Variants in COPG2 observed in about 807,000 individuals in gnomAD.
The protein encoded by COPG2 is coat protein complex I subunit gamma 2, also known as coatomer subunit gamma-2.
In COPG2, 37 loss-of-function variants were observed where a neutral mutation model predicts 46.3. The observed-to-expected ratio is 0.80, with a 90% CI of 0.61 to 1.05. COPG2 has a LOEUF of 1.05. Among genes scored for constraint, COPG2 ranks in the 50% least tolerant of loss-of-function variants. The pLI is 0.00. For synonymous variants in COPG2, 159 were observed against 129.7 expected (o/e 1.23, Z -1.53); for missense variants, 427 against 387.8 (o/e 1.10, Z -0.85).
At chr7:130,614,317 A>C (rs1224597875) in intron 6 of COPG2, among the ~76,000 whole-genome samples, 2 of 152,234 alleles carry the variant, frequency 1.3e-5, no homozygotes, top group East Asian at 3.9e-4. Context: ...AAAATAAAAA[A>C]CAATCACAAC....
At chr7:130,575,633 A>AAC (rs1280729170) in intron 9 of COPG2, among the ~76,000 whole-genome samples, 26 of 152,180 alleles carry the variant, frequency 1.7e-4, no homozygotes, top group African/African-American at 6.0e-4. Flanking sequence ...GGACCTATAA[A>AAC]ACAAAAATAT....
intron 5 of COPG2, among the ~76,000 whole-genome samples, chr7:130,627,755 A>G (rs1308271051): frequency 9.8e-6 from 1 of 102,022 alleles, no homozygotes; most frequent in Non-Finnish European, 1.8e-5. Flanking sequence ...TGCCCCAAAG[A>G]CTTTGGGGAT....
At chr7:130,598,695 G>A (rs1029499175) in intron 9 of COPG2, among the ~76,000 whole-genome samples, 11 of 152,174 alleles carry the variant, frequency 7.2e-5, no homozygotes, top group Admixed American at 7.2e-4. Flanking sequence ...AGGGGCTTGC[G>A]CTGCAATAAG....
chr7:130,635,722 T>G (rs568009213), intron 5 of COPG2, among the ~76,000 whole-genome samples: 1 of 152,318 alleles, frequency 6.6e-6, no homozygotes, highest in Admixed American at 6.5e-5. Flanking sequence ...GCTCTGCTCT[T>G]AGTTATTTCT....
At chr7:130,632,466 G>C (rs1253753952) in intron 5 of COPG2, among the ~76,000 whole-genome samples, 1 of 152,100 alleles carries the variant, frequency 6.6e-6, no homozygotes, top group Admixed American at 6.5e-5. Flanking sequence ...TTAGTTTCTT[G>C]AGTCTGTAAA....
At chr7:130,612,261 G>A (rs781837949) in intron 7 of COPG2, 23 bp from the exon 8 acceptor site, 7 of 1,382,680 alleles carry the variant, frequency 5.1e-6, no homozygotes, top group East Asian at 2.4e-5. Flanking sequence ...AAAAAAAAAT[G>A]AGAATAAATA....
At chr7:130,534,828 G>A (rs1799862971) in intron 20 of COPG2, among the ~76,000 whole-genome samples, 3 of 152,060 alleles carry the variant, frequency 2.0e-5, no homozygotes, top group Admixed American at 2.0e-4. Context: ...TGGGCTCACT[G>A]GGGCCCTATC....
intron 5 of COPG2, among the ~76,000 whole-genome samples, chr7:130,618,015 T>G (rs1456231927): frequency 7.2e-6 from 1 of 138,676 alleles, no homozygotes; most frequent in African/African-American, 2.7e-5. Flanking sequence ...GTGGGAGGAC[T>G]GCTTGAACCC....
chr7:130,551,351 AG>A lies in COPG2; in HGVS notation c.1545-8del. On this transcript the variant is annotated splice_region_variant and splice_polypyrimidine_tract_variant and intron_variant, in intron 15 of 23. Coordinates refer to ENST00000425248, the MANE Select transcript of COPG2 (RefSeq NM_012133.6). Reference sequence around the variant, plus strand: ...ATCAGTATCCATCATACACCTGTCCAGGGGAAACAGAATAGTCATGTCACAG... The same window carrying A: ...ATCAGTATCCATCATACACCTGTCCAGGGAAACAGAATAGTCATGTCACAG... 2.5e-6 allele frequency: 1 copy of A among 398,458 alleles called. No homozygotes were observed. Among genetic ancestry groups the A allele is most frequent in the Non-Finnish European group, 4.4e-6 (1 of 225,944 alleles). The allele number at this position is 398,458 out of a possible 1,614,324, so 24.7% of individuals were successfully genotyped here.
In COPG2 at chr7:130,506,766, C is replaced by T. The variant is rs117700687; in HGVS notation, c.2526G>A (p.Arg842=). The change falls in exon 24 of 24, where the codon AGG becomes AGA. Residue 842 remains arginine, a synonymous_variant. Coordinates refer to ENST00000425248, the MANE Select transcript of COPG2 (RefSeq NM_012133.6). The part of the protein sequence containing the change: ...RGGYDLLVRS[R]LALADGVTMQ... ...TGGTCACTCCATCGGCTAAGGCCAG[C>T]CTGGACCTCACCAATAAATCATAGC... 9.9e-3 allele frequency: 7,696 copies of T among 780,398 alleles called. 68 individuals carry two copies. Among genetic ancestry groups the T allele is most frequent in the Non-Finnish European group, 0.013 (5,623 of 417,678 alleles). 48.3% of individuals were successfully genotyped at this position (780,398 alleles called of 1,614,324 possible). A position where few individuals can be genotyped will look rare whatever the true frequency, so the allele number is the denominator to read the frequency against.
rs782220209 is a variant in COPG2 at position 130,610,928 on chromosome 7, C to A, written c.737+25G>T. On this transcript the variant is annotated intron_variant, in intron 9 of 23. Transcript: ENST00000425248. ...TATTAACTTCGCAAATGGAAAATAACCCAGGTTTAGGTGAAGACACTTACC... is the reference window on the plus strand; with the variant it reads ...TATTAACTTCGCAAATGGAAAATAAACCAGGTTTAGGTGAAGACACTTACC... 6 of 1,612,772 alleles carry A rather than the reference C, an allele frequency of 3.7e-6. No homozygotes were observed. In the African/African-American group the frequency reaches 8.0e-5, roughly 22 times the overall value.
chr7:130,511,641 A>G (rs1554441028), intron 20 of COPG2: 2 of 516,152 alleles, frequency 3.9e-6, no homozygotes, highest in East Asian at 5.5e-5. Flanking sequence ...TTGCTGGGCC[A>G]AAAGTCATAA....
At chr7:130,583,798 T>C (rs1448471062) in intron 9 of COPG2, among the ~76,000 whole-genome samples, 11 of 89,752 alleles carry the variant, frequency 1.2e-4, no homozygotes, top group African/African-American at 5.0e-4. Flanking sequence ...AGAGCGAGAC[T>C]CCATCTCAAA....
At chr7:130,591,143 G>C (rs1381368829) in intron 9 of COPG2, among the ~76,000 whole-genome samples, 8 of 130,324 alleles carry the variant, frequency 6.1e-5, no homozygotes, top group Admixed American at 1.5e-4. Context: ...AGGGAGGTGG[G>C]GGGGGTCAGC....
intron 9 of COPG2, among the ~76,000 whole-genome samples, chr7:130,598,225 T>C (rs1385604887): frequency 1.3e-5 from 2 of 152,110 alleles, no homozygotes; most frequent in Non-Finnish European, 2.9e-5. Flanking sequence ...GAAACTATTA[T>C]TACCCAGCAG....
rs191226451 is a variant in COPG2 at position 130,617,745 on chromosome 7, C to T, written c.324-680G>A. Among the ~76,000 whole-genome samples, 46 of 152,316 alleles carry T rather than the reference C, an allele frequency of 3.0e-4. No individual in the cohort carries two copies. The South Asian group carries it at 6.0e-3, about 20-fold the overall frequency. The stretch of plus-strand genomic sequence containing the variant: ...CAAAATGGTCTACAACTCTGACTCC[C>T]TCCATTAGGAAACCAAGAGGAAGAA... On this transcript the variant is annotated intron_variant, in intron 5 of 23. Transcript: ENST00000425248.
At chr7:130,605,213 C>A in intron 9 of COPG2, 1 of 520,172 alleles carries the variant, frequency 1.9e-6, no homozygotes, top group South Asian at 1.4e-5. Context: ...CACTAACTCT[C>A]TTTGACTCTC....
intron 5 of COPG2, among the ~76,000 whole-genome samples, chr7:130,625,565 T>C (rs1795104540): frequency 6.6e-6 from 1 of 152,136 alleles, no homozygotes; most frequent in Non-Finnish European, 1.5e-5. Flanking sequence ...AATTATCCAT[T>C]AAATCTAGGT....
In COPG2 at chr7:130,584,414, CCA is replaced by C. The variant is rs1333607039; in HGVS notation, c.738-20023_738-20022del. Among the ~76,000 whole-genome samples the C allele has an allele frequency of 1.1e-4, 17 of 151,932 alleles. 1 individual carries two copies. ...GAGAACTGAAACAAGATAACGATGC[CCA>C]CTCTCACCACGCCTCTTCAACATAG... On this transcript the variant is annotated intron_variant, in intron 9 of 23. Transcript: ENST00000425248.
Sources: gnomAD v4.1 joint callset for allele counts (sites outside exome capture counted in the v4.1 genomes callset) on GRCh38, gnomAD v4.1.1 for gene constraint, MANE v1.5 for transcripts, NCBI Gene and HGNC (gene_info 2026-07-23, HGNC 2026-07-21) for gene names.